The following SEC13 variants were observed in gnomAD, a reference collection of about 807,000 sequenced individuals.
SEC13 encodes protein SEC13 homolog.
Under a neutral mutation model 49.2 loss-of-function variants are expected in SEC13, and 25 were observed. The ratio of observed to expected loss-of-function variants is 0.51; its 90% CI spans 0.37 to 0.71. The LOEUF is 0.71. Ranked by LOEUF, SEC13 falls within the 30% of genes least tolerant of loss-of-function variation. The pLI is 0.00. For missense variants in SEC13, 383 were observed against 417.6 expected (o/e 0.92, Z 0.72); for synonymous variants, 148 against 163.9 (o/e 0.90, Z 0.74).
intron 5 of SEC13, among the ~76,000 whole-genome samples, chr3:10,307,053 AT>A (rs147066301): frequency 2.7e-5 from 4 of 150,440 alleles, no homozygotes; most frequent in Non-Finnish European, 5.9e-5. Flanking sequence ...ATTATTAACA[AT>A]TTTTTTTTTT....
intron 5 of SEC13, among the ~76,000 whole-genome samples, chr3:10,307,896 G>A (rs868245351): frequency 4.6e-5 from 7 of 152,090 alleles, no homozygotes; most frequent in African/African-American, 7.2e-5. Context: ...CCCTCATTTC[G>A]TCTTAGTTCT....
chr3:10,303,209 T>C (rs867024566), intron 8 of SEC13, among the ~76,000 whole-genome samples: 1 of 151,970 alleles, frequency 6.6e-6, no homozygotes. Flanking sequence ...AAGACCAACA[T>C]AGGCAAGGGA....
chr3:10,320,740 C>CT, intron 1 of SEC13: 1 of 1,235,522 alleles, frequency 8.1e-7, no homozygotes, highest in Non-Finnish European at 1.0e-6. Flanking sequence ...ATGCTGAGGG[C>CT]TCGGTATACA....
intron 2 of SEC13, among the ~76,000 whole-genome samples, chr3:10,317,023 GAAAA>G (rs1201354448): frequency 2.2e-4 from 28 of 129,458 alleles, no homozygotes; most frequent in Non-Finnish European, 3.8e-4. Context: ...AAAAAAAAAA[GAAAA>G]GTACTTAGCA....
chr3:10,306,405 G>A (rs1013110653), intron 5 of SEC13, among the ~76,000 whole-genome samples: 3 of 152,152 alleles, frequency 2.0e-5, no homozygotes, highest in African/African-American at 7.2e-5. Flanking sequence ...GAGCTGGTGC[G>A]TTCTCTCATC....
At position 10,312,050 on chromosome 3, in the gene SEC13, C is replaced by T; in HGVS notation, c.365G>A (p.Cys122Tyr). The T allele has an allele frequency of 6.2e-7, 1 of 1,613,330 alleles. No individual in the cohort carries two copies. Among genetic ancestry groups the T allele is most frequent in the South Asian group, 1.1e-5 (1 of 90,916 alleles). The change falls in exon 5 of 9, where the codon TGT becomes TAT. Residue 122 changes from cysteine (C) to tyrosine (Y), a missense_variant. Transcript: ENST00000350697. ...GGAGATGGCCCCATCCGAGCTCCCA[C>T]AGGCCAGGATCAGGCCGTAGTCATG... The part of the protein sequence containing the change: ...APHDYGLILA[C>Y]GSSDGAISLL...
chr3:10,319,862 G>GGTGAGAGA (rs1193676517), intron 1 of SEC13, among the ~76,000 whole-genome samples: 1 of 5,138 alleles, frequency 1.9e-4, no homozygotes, highest in African/African-American at 1.1e-3. Context: ...AAGGAGGAAG[G>GGTGAGAGA]GCGGGAGAGA....
At chr3:10,317,308 C>A (rs1398260331) in intron 2 of SEC13, among the ~76,000 whole-genome samples, 1 of 152,148 alleles carries the variant, frequency 6.6e-6, no homozygotes, top group Non-Finnish European at 1.5e-5. Flanking sequence ...TGGGACCAGA[C>A]AACCTCTCAG....
intron 5 of SEC13, among the ~76,000 whole-genome samples, chr3:10,306,437 C>T (rs561728846): frequency 5.4e-4 from 83 of 152,338 alleles, no homozygotes; most frequent in Admixed American, 2.5e-3. Context: ...TAGATTGTCT[C>T]TTATATTAAC....
chr3:10,317,453 G>T (rs567384969), intron 2 of SEC13, among the ~76,000 whole-genome samples: 31 of 152,228 alleles, frequency 2.0e-4, no homozygotes, highest in African/African-American at 7.5e-4. Flanking sequence ...TTTTTCCTGC[G>T]GTAGACTTTA....
chr3:10,312,525 G>C, intron 4 of SEC13, 54 bp downstream of exon 4: 1 of 1,597,014 alleles, frequency 6.3e-7, no homozygotes, highest in Non-Finnish European at 8.6e-7. Context: ...CCGGGACAGA[G>C]TCCTTTTTTA....
Position 10,321,066 on chromosome 3 carries a change from G to A in SEC13, c.-14C>T. ...AACACTCACCATGATTGCGGCGGTG[G>A]CTGCTCCAGGTCTCGGACGTGGCAG... On this transcript the variant is annotated 5_prime_UTR_variant, in exon 1 of 9. Transcript: ENST00000350697. The surrounding 1 kb of genome is among the most constrained non-coding windows in gnomAD (Gnocchi z 4.1). 6.2e-7 allele frequency: 1 copy of A among 1,613,086 alleles called. No individual in the cohort carries two copies. The highest frequency in any genetic ancestry group is 1.1e-5 in the South Asian group (1 of 90,842).
chr3:10,317,914 G>A (rs1701705306), intron 2 of SEC13, 136 bp downstream of exon 2: 1 of 610,436 alleles, frequency 1.6e-6, no homozygotes, highest in African/African-American at 1.9e-5. Flanking sequence ...ATTACAGGCT[G>A]ATAGGCAACC....
At chr3:10,311,632 A>G (rs1361253734) in intron 5 of SEC13, 9 of 1,130,230 alleles carry the variant, frequency 8.0e-6, no homozygotes, top group Non-Finnish European at 9.8e-6. Flanking sequence ...AAAAGTTTTA[A>G]TAACACCACT....
chr3:10,315,204 A>T, intron 3 of SEC13, 117 bp downstream of exon 3: 1 of 730,128 alleles, frequency 1.4e-6, no homozygotes, highest in South Asian at 1.8e-5. Context: ...CCTCTCCGCT[A>T]AATGTGCTTT....
chr3:10,320,787 G>T, intron 1 of SEC13: 1 of 1,325,380 alleles, frequency 7.5e-7, no homozygotes. Context: ...GTTTTCAATT[G>T]TTGACCGAAA....
intron 2 of SEC13, among the ~76,000 whole-genome samples, chr3:10,316,404 A>G (rs696218): frequency 0.13 from 19,643 of 152,116 alleles, 1,548 homozygotes; most frequent in East Asian, 0.41. Context: ...CTACGCAAGG[A>G]ACACATCCTG....
chr3:10,315,462 G>T, intron 2 of SEC13, 26 bp from the exon 3 acceptor site: 1 of 1,107,466 alleles, frequency 9.0e-7, no homozygotes, highest in Non-Finnish European at 1.3e-6. Context: ...AGCTCGGGAA[G>T]CCTGCAGGCT....
chr3:10,304,767 C>T (rs371414879), intron 7 of SEC13, among the ~76,000 whole-genome samples: 33 of 152,310 alleles, frequency 2.2e-4, no homozygotes, highest in Middle Eastern at 6.8e-3. Flanking sequence ...CCTAGTCTCA[C>T]ATGGGTCAGA....
Sources: gnomAD v4.1 joint callset for allele counts (sites outside exome capture counted in the v4.1 genomes callset) on GRCh38, gnomAD v4.1.1 for gene constraint, Gnocchi (gnomAD v3.1) non-coding constraint, MANE v1.5 for transcripts, NCBI Gene and HGNC (gene_info 2026-07-23, HGNC 2026-07-21) for gene names.